LYRM4: variants seen among roughly 807,000 people sequenced by gnomAD.
LYRM4 encodes the protein LYR motif containing 4, also known as LYR motif-containing protein 4.
LYRM4 carries 9 observed loss-of-function variants against 11.7 expected under a neutral mutation model. The observed-to-expected ratio is 0.77, with a 90% CI of 0.46 to 1.34. The LOEUF is 1.34. Among genes scored for constraint, LYRM4 ranks in the 40% most tolerant of loss-of-function variants. The pLI, the probability that LYRM4 is intolerant of heterozygous loss-of-function variation, is 0.00. For missense variants in LYRM4, 133 were observed against 112.5 expected, an observed-to-expected ratio of 1.18 and a Z score of -0.82; for synonymous variants, 42 against 40.4, an observed-to-expected ratio of 1.04 and a Z score of -0.15.
chr6:5,158,667 C>G (rs1268621752), intron 2 of LYRM4, among the ~76,000 whole-genome samples: 1 of 151,994 alleles, frequency 6.6e-6, no homozygotes, highest in East Asian at 1.9e-4. Context: ...TGTAGAGGGT[C>G]CCACTATGTT....
At chr6:5,135,869 T>C (rs1757066253) in intron 2 of LYRM4, among the ~76,000 whole-genome samples, 1 of 152,186 alleles carries the variant, frequency 6.6e-6, no homozygotes, top group African/African-American at 2.4e-5. Flanking sequence ...AATCTTTTCA[T>C]TTTCCTCCAC....
chr6:5,040,881 AG>A, the LYRM4 span, among the ~76,000 whole-genome samples: 1 of 68,634 alleles, frequency 1.5e-5, no homozygotes, highest in African/African-American at 3.8e-5. Flanking sequence ...TTGGGGAAAC[AG>A]AAAAAAAAAA....
chr6:5,208,139 G>A (rs1439153792), intron 2 of LYRM4, among the ~76,000 whole-genome samples: 1 of 152,182 alleles, frequency 6.6e-6, no homozygotes, highest in Non-Finnish European at 1.5e-5. Context: ...TTCAAAGTGT[G>A]GAGTACAGTG....
At position 5,173,665 on chromosome 6, in the gene LYRM4, T is replaced by C. The variant is rs1490745422; in HGVS notation, c.207+42953A>G. Among the ~76,000 whole-genome samples the C allele has an allele frequency of 3.3e-5, 5 of 152,368 alleles. No homozygotes were observed. In the East Asian group the frequency reaches 9.6e-4, roughly 29 times the overall value. The stretch of plus-strand genomic sequence containing the variant: ...CAATATTTCATATTTTCAACTTTTT[T>C]CATTTACAAATTCTTTGATTGAGTA... On this transcript the variant is annotated intron_variant, in intron 2 of 2. Transcript: ENST00000330636.
chr6:5,083,905 T>C, the LYRM4 span, among the ~76,000 whole-genome samples: 14,860 of 152,130 alleles, frequency 0.098, 941 homozygotes, highest in African/African-American at 0.17. Context: ...TTAAATACGG[T>C]CCCCAGAGCC....
intron 2 of LYRM4, among the ~76,000 whole-genome samples, chr6:5,120,562 G>GA (rs1554127310): frequency 7.9e-5 from 12 of 152,204 alleles, no homozygotes; most frequent in Non-Finnish European, 1.5e-4. Flanking sequence ...GGACGCCAGT[G>GA]GGTTGCTGCT....
chr6:5,206,500 T>C (rs1761706687), intron 2 of LYRM4, among the ~76,000 whole-genome samples: 1 of 152,142 alleles, frequency 6.6e-6, no homozygotes. Context: ...GTTGTAACAA[T>C]AGAGCCAATT....
At chr6:5,084,960 G>C in the LYRM4 span, 1 of 154,182 alleles carries the variant, frequency 6.5e-6, no homozygotes, top group Non-Finnish European at 1.4e-5. Flanking sequence ...TGACCCTCTG[G>C]GGGCAGAGCC....
the LYRM4 span, among the ~76,000 whole-genome samples, chr6:5,073,377 A>T: frequency 6.6e-6 from 1 of 151,330 alleles, no homozygotes; most frequent in African/African-American, 2.4e-5. Flanking sequence ...AAAAATATAT[A>T]TATTTTTTAT....
intron 2 of LYRM4, among the ~76,000 whole-genome samples, chr6:5,156,986 T>C (rs1447459456): frequency 6.6e-6 from 1 of 152,140 alleles, no homozygotes; most frequent in South Asian, 2.1e-4. Flanking sequence ...CCTCTGGCCT[T>C]TTGAGTTTTT....
At chr6:5,175,139 A>C (rs1206889034) in intron 2 of LYRM4, among the ~76,000 whole-genome samples, 1 of 152,260 alleles carries the variant, frequency 6.6e-6, no homozygotes. Flanking sequence ...TAAATGTGCA[A>C]TCTTAAATAA....
chr6:5,101,938 C>CACGAAAACA (rs1487131976), downstream of LYRM4, among the ~76,000 whole-genome samples: 1 of 130,800 alleles, frequency 7.6e-6, no homozygotes, highest in African/African-American at 2.6e-5. Context: ...ACAGGCAAAA[C>CACGAAAACA]ACGAAAACAC....
At chr6:5,036,279 G>C in the LYRM4 span, among the ~76,000 whole-genome samples, 1 of 152,126 alleles carries the variant, frequency 6.6e-6, no homozygotes, top group African/African-American at 2.4e-5. Context: ...CCAGAATATT[G>C]AGCCAGAGGA....
the LYRM4 span, among the ~76,000 whole-genome samples, chr6:5,077,592 A>C: frequency 5.3e-5 from 8 of 152,246 alleles, no homozygotes; most frequent in Non-Finnish European, 1.2e-4. Context: ...ATTTTAAAAA[A>C]CTATGAAATA....
chr6:5,081,134 C>CGGG, the LYRM4 span, among the ~76,000 whole-genome samples: 1 of 126,148 alleles, frequency 7.9e-6, no homozygotes, highest in East Asian at 2.0e-4. Flanking sequence ...CACACTTGGG[C>CGGG]GGGGGGGGGG....
chr6:5,132,465 CTTCTA>C (rs1764001194), intron 2 of LYRM4, among the ~76,000 whole-genome samples: 1 of 152,276 alleles, frequency 6.6e-6, no homozygotes, highest in East Asian at 1.9e-4. Flanking sequence ...GAAAGAATGT[CTTCTA>C]TTCTTTCTAA....
rs1364026536 is a variant in LYRM4, at chr6:5,260,906, G to A, written c.-173C>T. On this transcript the variant is annotated 5_prime_UTR_variant, in exon 1 of 3. Transcript: ENST00000330636. ...GGCAGCCCTGCGGATCGCGGACGGC[G>A]CCAGGCGTCCCGCGCCGCTTCGGGG... 2.2e-6 allele frequency: 3 copies of A among 1,379,212 alleles called. No individual in the cohort carries two copies. The highest frequency in any genetic ancestry group is 3.3e-5 in the Admixed American group (1 of 30,326). 85.4% of individuals were successfully genotyped at this position (1,379,212 alleles called of 1,614,324 possible). A position where few individuals can be genotyped will look rare whatever the true frequency, so the allele number is the denominator to read the frequency against.
At chr6:5,090,671 T>C in the LYRM4 span, among the ~76,000 whole-genome samples, 3 of 152,212 alleles carry the variant, frequency 2.0e-5, no homozygotes, top group Non-Finnish European at 2.9e-5. The surrounding 1 kb of genome is among the most constrained non-coding windows in gnomAD (Gnocchi z 4.8). Context: ...TTCTTCTGCC[T>C]TGACCGAGGG....
chr6:5,141,278 C>A (rs187917641), intron 2 of LYRM4, among the ~76,000 whole-genome samples: 2 of 152,264 alleles, frequency 1.3e-5, no homozygotes, highest in Admixed American at 1.3e-4. Flanking sequence ...TGCCTTAGGT[C>A]ACAGGACTGT....
Sources: gnomAD v4.1 joint callset for allele counts (sites outside exome capture counted in the v4.1 genomes callset) on GRCh38, gnomAD v4.1.1 for gene constraint, Gnocchi (gnomAD v3.1) non-coding constraint, MANE v1.5 for transcripts, NCBI Gene and HGNC (gene_info 2026-07-23, HGNC 2026-07-21) for gene names.